ZAN: variants seen among roughly 807,000 people sequenced by gnomAD.
ZAN encodes zonadhesin (gene/pseudogene).
In ZAN, 260 loss-of-function variants were observed where a neutral mutation model predicts 286.2. The observed-to-expected ratio is 0.91, with a 90% CI of 0.82 to 1.01. The LOEUF (loss-of-function observed/expected upper bound fraction) is 1.01, where lower values mean the gene tolerates loss of function less well. ZAN is among the 50% of genes least tolerant of loss of function. ZAN has a pLI of 0.00. For missense variants in ZAN, 3,410 were observed against 3,639.2 expected (o/e 0.94, Z 1.62); for synonymous variants, 1,368 against 1,417.5 (o/e 0.97, Z 0.79).
chr7:100,772,147 G>A (rs546499143), intron 29 of ZAN, 127 bp downstream of exon 29: 2 of 1,211,372 alleles, frequency 1.7e-6, no homozygotes, highest in South Asian at 1.7e-5. Context: ...AGGCTGGAGT[G>A]CAGTGGCGCA....
At chr7:100,750,099 C>CACACACACACA (rs996745393) in intron 11 of ZAN, among the ~76,000 whole-genome samples, 3 of 147,858 alleles carry the variant, frequency 2.0e-5, no homozygotes, top group Non-Finnish European at 3.0e-5. Context: ...CACACACACA[C>CACACACACACA]GACATTAATG....
chr7:100,749,145 G>A (rs943222073), intron 11 of ZAN, among the ~76,000 whole-genome samples: 1 of 151,394 alleles, frequency 6.6e-6, no homozygotes, highest in African/African-American at 2.4e-5. Context: ...TTCGAGACCA[G>A]CTGGGCAACA....
intron 27 of ZAN, among the ~76,000 whole-genome samples, chr7:100,769,285 C>G (rs1030476317): frequency 6.7e-6 from 1 of 150,018 alleles, no homozygotes; most frequent in Non-Finnish European, 1.5e-5. Context: ...TTTGAGACAG[C>G]GCTTCTCCGT....
At chr7:100,774,005 G>T in intron 31 of ZAN, 140 bp downstream of exon 31, 1 of 1,291,042 alleles carries the variant, frequency 7.7e-7, no homozygotes, top group Non-Finnish European at 1.1e-6. Context: ...CTTCTGGTGG[G>T]TAAGATGACC....
intron 20 of ZAN, 23 bp downstream of exon 20, chr7:100,762,381 G>A (rs950089272): frequency 6.3e-6 from 10 of 1,587,714 alleles, no homozygotes; most frequent in African/African-American, 5.5e-5. Context: ...CCCTCCCACC[G>A]GGGCCCTGGG....
rs768730638 is a variant in ZAN at position 100,758,210 on chromosome 7, A to T, written c.3318A>T (p.Ala1106=). 5.0e-6 allele frequency: 8 copies of T among 1,612,562 alleles called. No homozygotes were observed. In the South Asian group the frequency reaches 7.7e-5, roughly 16 times the overall value. Residue 1106 remains alanine, a synonymous_variant, in exon 16 of 48, where the codon GCA becomes GCT. Coordinates refer to ENST00000613979, the MANE Select transcript of ZAN (RefSeq NM_003386.3). ...FYNNDYYEPG[A]EWFSPNCTEH... is the part of the protein sequence containing the mutation. Reference sequence around the variant, plus strand: ...ACATCCCTTTCTCCCAGCCTGGGGCAGAGTGGTTCAGCCCCAACTGCACAG... The same window carrying T: ...ACATCCCTTTCTCCCAGCCTGGGGCTGAGTGGTTCAGCCCCAACTGCACAG...
At position 100,787,884 on chromosome 7, in the gene ZAN, G is replaced by A; in HGVS notation, c.6980-5G>A. The A allele has an allele frequency of 1.3e-6, 2 of 1,497,282 alleles. No homozygotes were observed. The highest frequency in any genetic ancestry group is 1.8e-6 in the Non-Finnish European group (2 of 1,102,564). 92.7% of individuals were successfully genotyped at this position (1,497,282 alleles called of 1,614,324 possible). ...GCCCCTTCTCACTGTCTGACTTCTT[G>A]GCAGAGTCTGAACAATGCTCAGTCT... On this transcript the variant is annotated splice_region_variant and splice_polypyrimidine_tract_variant and intron_variant, in intron 37 of 47. Coordinates refer to ENST00000613979, the MANE Select transcript of ZAN (RefSeq NM_003386.3).
chr7:100,787,153 G>GGC (rs1811611597), intron 37 of ZAN, among the ~76,000 whole-genome samples: 1 of 151,966 alleles, frequency 6.6e-6, no homozygotes, highest in African/African-American at 2.4e-5. Flanking sequence ...CGGGCTTGGT[G>GGC]GCTTATGCCT....
At chr7:100,768,262 A>G (rs1464077974) in intron 26 of ZAN, among the ~76,000 whole-genome samples, 1 of 152,176 alleles carries the variant, frequency 6.6e-6, no homozygotes, top group African/African-American at 2.4e-5. Context: ...ACTTGAGGTC[A>G]AGGGTTCGAG....
In ZAN at chr7:100,763,340, T is replaced by C. The variant is rs1390545010; in HGVS notation, c.3987-466T>C. On this transcript the variant is annotated intron_variant, in intron 20 of 47. Coordinates refer to ENST00000613979, the MANE Select transcript of ZAN (RefSeq NM_003386.3). The surrounding 1 kb of genome is among the most constrained non-coding windows in gnomAD (Gnocchi z 4.6). ...CTCTACCCTGGAGACTTCAAGTTGT[T>C]CTTTCAGTTGCTCAATATTCTTTTT... Among the ~76,000 whole-genome samples, 1 of 152,034 alleles carries C rather than the reference T, an allele frequency of 6.6e-6. No individual in the cohort carries two copies. The highest frequency in any genetic ancestry group is 1.5e-5 in the Non-Finnish European group (1 of 68,000).
intron 27 of ZAN, among the ~76,000 whole-genome samples, chr7:100,768,991 C>A (rs761628527): frequency 1.2e-4 from 19 of 152,154 alleles, no homozygotes; most frequent in African/African-American, 4.3e-4. Flanking sequence ...TGAGGTCTAG[C>A]CTTTTTCCTT....
In ZAN at chr7:100,767,296, C is replaced by G. The variant is rs747459380; in HGVS notation, c.4860+39C>G. The G allele has an allele frequency of 5.9e-5, 93 of 1,579,174 alleles. No individual in the cohort carries two copies. In the South Asian group the frequency reaches 1.0e-3, roughly 17 times the overall value. On this transcript the variant is annotated intron_variant, in intron 25 of 47. Coordinates refer to ENST00000613979, the MANE Select transcript of ZAN (RefSeq NM_003386.3). ...TCCTGCCTCCTGGACCCTGAACACC[C>G]AGCCTGCTTGCTTCTCTCCTGTGCC... is the stretch of plus-strand genomic sequence containing the variant.
rs1036066826 is a variant in ZAN, at chr7:100,750,970, G to A, written c.1521+74G>A. On this transcript the variant is annotated intron_variant, in intron 12 of 47. Transcript: ENST00000613979. ...TGCCTGGGATCTGGGGGCGCCACCA[G>A]TGCTGAAGAGGTGGAAAGCTGGAAA... is the stretch of plus-strand genomic sequence containing the variant. 2.0e-6 allele frequency: 3 copies of A among 1,507,812 alleles called. No homozygotes were observed. In the Admixed American group the frequency reaches 6.8e-5, roughly 34 times the overall value. The allele number at this position is 1,507,812 out of a possible 1,614,324, so 93.4% of individuals were successfully genotyped here.
chr7:100,754,794 C>G (rs1809028845), intron 14 of ZAN, among the ~76,000 whole-genome samples: 1 of 151,748 alleles, frequency 6.6e-6, no homozygotes, highest in African/African-American at 2.4e-5. Context: ...CTCCCAAAGT[C>G]TTGGGATTAC....
rs1342520901 is a variant in ZAN at position 100,765,419 on chromosome 7, A to G, written c.4335A>G (p.Ser1445=). The change falls in exon 23 of 48, where the codon TCA becomes TCG. Residue 1445 remains serine, a synonymous_variant. Coordinates refer to ENST00000613979, the MANE Select transcript of ZAN (RefSeq NM_003386.3). ...AGCCATGCCCTGACACCTGCCATTC[A>G]GGATTCTCCGGCATGTTCTGCTCAG... ...CAKPCPDTCH[S]GFSGMFCSDR... 1.1e-5 allele frequency: 18 copies of G among 1,613,806 alleles called. No individual in the cohort carries two copies. Among genetic ancestry groups the G allele is most frequent in the Non-Finnish European group, 1.4e-5 (17 of 1,179,868 alleles).
intron 14 of ZAN, among the ~76,000 whole-genome samples, chr7:100,753,475 C>T (rs181191464): frequency 1.3e-5 from 2 of 152,182 alleles, no homozygotes; most frequent in Admixed American, 6.5e-5. Context: ...GCTTCCTTCT[C>T]GTTGTTTGTT....
intron 23 of ZAN, among the ~76,000 whole-genome samples, 173 bp from the exon 24 acceptor site, chr7:100,766,352 G>A (rs116135736): frequency 9.9e-4 from 151 of 152,264 alleles, no homozygotes; most frequent in African/African-American, 3.5e-3. Context: ...CTGAAAAAAC[G>A]AATGGATGCC....
At chr7:100,750,381 A>G (rs1367219915) in intron 11 of ZAN, among the ~76,000 whole-genome samples, 1 of 152,040 alleles carries the variant, frequency 6.6e-6, no homozygotes, top group Non-Finnish European at 1.5e-5. Context: ...GTGATCCGCC[A>G]GCCTCGGCCT....
At chr7:100,766,495 T>C in intron 23 of ZAN, 30 bp from the exon 24 acceptor site, 1 of 1,537,634 alleles carries the variant, frequency 6.5e-7, no homozygotes, top group Non-Finnish European at 8.8e-7. Flanking sequence ...AAAAAAACAC[T>C]TTCTCTTCCT....
Sources: gnomAD v4.1 joint callset for allele counts (sites outside exome capture counted in the v4.1 genomes callset) on GRCh38, gnomAD v4.1.1 for gene constraint, Gnocchi (gnomAD v3.1) non-coding constraint, MANE v1.5 for transcripts, NCBI Gene and HGNC (gene_info 2026-07-23, HGNC 2026-07-21) for gene names.